The following PHRF1 variants were observed in gnomAD, a reference collection of about 807,000 sequenced individuals.
PHRF1 encodes PHD and RING finger domain-containing protein 1.
In PHRF1, 53 loss-of-function variants were observed where a neutral mutation model predicts 128.9. That is an observed-to-expected ratio of 0.41 (90% confidence interval 0.33 to 0.52). PHRF1 has a LOEUF of 0.52. PHRF1 is among the 20% of genes least tolerant of loss of function. The probability of loss-of-function intolerance (pLI) is 0.21; values close to 1 mark genes in which losing one functional copy is unlikely to be tolerated. For missense variants in PHRF1, 2,503 were observed against 2,284.5 expected (o/e 1.10, Z -1.95); for synonymous variants, 1,178 against 980.6 (o/e 1.20, Z -3.76).
chr11:579,914 G>A lies in PHRF1; in HGVS notation c.-21-1578G>A, dbSNP rs1383709046. ...CGTCCTGGTTTCTGAGCCCCGTTAG[G>A]GTTTGTTGTCCAGGGGTTTCCAGAC... On this transcript the variant is annotated intron_variant, in intron 1 of 17. Transcript: ENST00000264555. 2.0e-5 allele frequency among the ~76,000 whole-genome samples: 3 copies of A among 152,310 alleles called. No homozygotes were observed. In the East Asian group the frequency reaches 5.8e-4, roughly 29 times the overall value.
rs1243448641 is a variant in PHRF1 at position 587,210 on chromosome 11, G to T, written c.215-49G>T. On this transcript the variant is annotated intron_variant, in intron 3 of 17. Transcript: ENST00000264555. ...GGGCCCGCTTGCCTCCAGTGCCGCG[G>T]TTCACGCTGCCCATCCTGCTTGCAC... The T allele has an allele frequency of 3.2e-6, 5 of 1,585,196 alleles. No individual in the cohort carries two copies. The East Asian group carries it at 1.1e-4, about 36-fold the overall frequency.
intron 11 of PHRF1, 99 bp downstream of exon 11, chr11:605,399 T>A (rs1855883718): frequency 1.3e-6 from 2 of 1,504,666 alleles, no homozygotes; most frequent in Middle Eastern, 2.1e-4. Flanking sequence ...TTAGGTTTTG[T>A]GTTTGAGAGT....
In PHRF1 at chr11:597,506, G is replaced by T. The variant is rs201538268; in HGVS notation, c.830G>T (p.Arg277Leu). 2.5e-6 allele frequency: 4 copies of T among 1,612,464 alleles called. No individual in the cohort carries two copies. In the African/African-American group the frequency reaches 4.0e-5, roughly 16 times the overall value. Residue 277 changes from arginine to leucine, a missense_variant, in exon 8 of 18, where the codon CGG (arginine) becomes CTG (leucine). By Grantham distance (102) the Arg-to-Leu change is moderately radical. Transcript: ENST00000264555. The surrounding 1 kb of genome is among the most constrained non-coding windows in gnomAD (Gnocchi z 6.5). ...AGRTRAIART[R>L]QSERVRATVN... ...AGGACCCGGGCGATAGCCAGGACAC[G>T]GCAGAGTGAGAGAGTGAGAGCAACC...
chr11:598,229 C>A, intron 8 of PHRF1, 144 bp from the exon 9 acceptor site: 1 of 1,209,478 alleles, frequency 8.3e-7, no homozygotes, highest in Non-Finnish European at 1.1e-6. Context: ...GAAGGCCGGG[C>A]CGTGGCTGCT....
intron 3 of PHRF1, among the ~76,000 whole-genome samples, chr11:585,797 C>T (rs914020321): frequency 4.0e-5 from 6 of 151,600 alleles, no homozygotes; most frequent in African/African-American, 9.7e-5. Flanking sequence ...TCTCCTGCCT[C>T]AGCCTCCCAA....
chr11:592,497 G>T lies in PHRF1; in HGVS notation c.505-62G>T, dbSNP rs560504091. 10 of 1,511,680 alleles carry T rather than the reference G, an allele frequency of 6.6e-6. No homozygotes were observed. In the African/African-American group the frequency reaches 1.1e-4, roughly 17 times the overall value. 93.6% of individuals were successfully genotyped at this position (1,511,680 alleles called of 1,614,324 possible). A position where few individuals can be genotyped will look rare whatever the true frequency, so the allele number is the denominator to read the frequency against. ...GGATTCTGGATTAACTGCGTTTCAC[G>T]CTGGGAAGTGACTGCGGGGAGTTTG... On this transcript the variant is annotated intron_variant, in intron 5 of 17. Transcript: ENST00000264555.
chr11:580,720 C>A (rs1024245974), intron 1 of PHRF1, among the ~76,000 whole-genome samples: 1 of 152,178 alleles, frequency 6.6e-6, no homozygotes, highest in Non-Finnish European at 1.5e-5. Context: ...TGGAGTTTTG[C>A]TCTTATTGCG....
intron 9 of PHRF1, among the ~76,000 whole-genome samples, chr11:599,287 C>T (rs112055889): frequency 0.04 from 5,286 of 131,554 alleles, 351 homozygotes; most frequent in African/African-American, 0.15. Context: ...CAGAGTCTCG[C>T]TCTCCCAGGC....
intron 9 of PHRF1, among the ~76,000 whole-genome samples, chr11:599,635 G>A (rs368798135): frequency 6.6e-6 from 1 of 152,114 alleles, no homozygotes; most frequent in Admixed American, 6.6e-5. Flanking sequence ...TTCCATTCCA[G>A]CCAGCACAGA....
intron 9 of PHRF1, among the ~76,000 whole-genome samples, chr11:600,837 G>T (rs1855584938): frequency 6.6e-6 from 1 of 152,156 alleles, no homozygotes; most frequent in African/African-American, 2.4e-5. Flanking sequence ...ATGGTGGCGG[G>T]CGCCTGTAGT....
In PHRF1 at chr11:607,365, A is replaced by G. The variant is rs1434969962; in HGVS notation, c.1909A>G (p.Lys637Glu). Residue 637 changes from lysine to glutamate, a missense_variant, in exon 14 of 18, where the codon AAG becomes GAG. By Grantham distance (56) the Lys-to-Glu change is moderately conservative (BLOSUM62 1). Coordinates refer to ENST00000264555, the MANE Select transcript of PHRF1 (RefSeq NM_001286581.2). ...SHSPWFNGTN[K>E]HTLPLASAAS... is the part of the protein sequence containing the mutation. ...CAGCCCCTGGTTCAACGGCACCAAC[A>G]AGCACACCTTGCCCCTTGCCTCTGC... 4 of 1,612,676 alleles carry G rather than the reference A, an allele frequency of 2.5e-6. No individual in the cohort carries two copies. The highest frequency in any genetic ancestry group is 1.6e-4 in the Middle Eastern group (1 of 6,084).
chr11:610,518 G>A lies in PHRF1; in HGVS notation c.4434G>A (p.Leu1478=). Residue 1478 remains leucine (L), a synonymous_variant, in exon 16 of 18, where the codon CTG becomes CTA. Coordinates refer to ENST00000264555, the MANE Select transcript of PHRF1 (RefSeq NM_001286581.2). ...TDPSQVYSPG[L]PPAPAQPSSI... is the part of the protein sequence containing the mutation. ...CCTCCCAGGTTTACAGCCCCGGCCTGCCGCCTGCCCCGGCCCAGCCCTCAA... is the reference window on the plus strand; with the variant it reads ...CCTCCCAGGTTTACAGCCCCGGCCTACCGCCTGCCCCGGCCCAGCCCTCAA... The A allele has an allele frequency of 1.2e-6, 2 of 1,603,892 alleles. No individual in the cohort carries two copies. The highest frequency in any genetic ancestry group is 1.7e-6 in the Non-Finnish European group (2 of 1,178,652).
rs781187050 is a variant in PHRF1 at position 597,375 on chromosome 11, G to C, written c.719-20G>C. The stretch of plus-strand genomic sequence containing the variant: ...TGTGGCCTGTGAGTGTGGCACATCA[G>C]CCCTGGTGGTTCTTCCCAGATGCGG... On this transcript the variant is annotated intron_variant, in intron 7 of 17. Transcript: ENST00000264555. The surrounding 1 kb of genome is among the most constrained non-coding windows in gnomAD (Gnocchi z 6.5). The C allele has an allele frequency of 9.3e-6, 15 of 1,606,148 alleles. No individual in the cohort carries two copies. The highest frequency in any genetic ancestry group is 9.4e-6 in the Non-Finnish European group (11 of 1,175,600).
rs1564875797 is a variant in PHRF1, at chr11:611,651, T to G, written c.4824T>G (p.Ser1608Arg). 5 of 1,612,982 alleles carry G rather than the reference T, an allele frequency of 3.1e-6. No individual in the cohort carries two copies. The East Asian group carries it at 8.9e-5, about 29-fold the overall frequency. Residue 1608 changes from serine to arginine, a missense_variant, in exon 18 of 18, where the codon AGT (serine) becomes AGG (arginine). Physicochemically the swap from Ser to Arg is moderately radical, Grantham distance 110 (BLOSUM62 -1). Transcript: ENST00000264555. Reference sequence around the variant, plus strand: ...TTCTCCAGATCTGCCACAGCAAGAGTGGAGAGATCAACCCCGTGAAGGTGG... The same window carrying G: ...TTCTCCAGATCTGCCACAGCAAGAGGGGAGAGATCAACCCCGTGAAGGTGG... ...KAVQKICHSKSGEINPVKVAN... is the reference protein window; with the variant it reads ...KAVQKICHSKRGEINPVKVAN...
At chr11:605,380 G>A in intron 11 of PHRF1, 80 bp downstream of exon 11, 3 of 1,550,632 alleles carry the variant, frequency 1.9e-6, no homozygotes, top group Non-Finnish European at 2.6e-6. Context: ...CGAGGTGCAT[G>A]CGGAGGCGTT....
intron 14 of PHRF1, 80 bp downstream of exon 14, chr11:609,800 CGTGA>C (rs1817055622): frequency 2.1e-6 from 2 of 964,754 alleles, no homozygotes; most frequent in Non-Finnish European, 2.8e-6. Flanking sequence ...CAGAGCCCCC[CGTGA>C]GTAAGGCCCC....
chr11:586,194 C>G (rs532841412), intron 3 of PHRF1, among the ~76,000 whole-genome samples: 1 of 151,992 alleles, frequency 6.6e-6, no homozygotes, highest in Non-Finnish European at 1.5e-5. Flanking sequence ...CGGGGTTTCA[C>G]TGTTAGCCAG....
chr11:601,428 CAAAAAA>C (rs59861558), intron 9 of PHRF1, 140 bp from the exon 10 acceptor site: 7 of 874,738 alleles, frequency 8.0e-6, no homozygotes, highest in East Asian at 3.0e-5. Flanking sequence ...GATCCTGTCT[CAAAAAA>C]AAAAAAAAAA....
chr11:610,789 C>A (rs1856332576), intron 16 of PHRF1, 28 bp downstream of exon 16: 1 of 1,594,604 alleles, frequency 6.3e-7, no homozygotes, highest in African/African-American at 1.3e-5. Flanking sequence ...CCACTTTCCC[C>A]ATGTTCCCAT....
Sources: gnomAD v4.1 joint callset for allele counts (sites outside exome capture counted in the v4.1 genomes callset) on GRCh38, gnomAD v4.1.1 for gene constraint, Gnocchi (gnomAD v3.1) non-coding constraint, MANE v1.5 for transcripts, NCBI Gene and HGNC (gene_info 2026-07-23, HGNC 2026-07-21) for gene names.